The following KLF12 variants were observed in gnomAD, a reference collection of about 807,000 sequenced individuals.
KLF12 encodes the protein KLF transcription factor 12.
A neutral mutation model predicts 37.8 loss-of-function variants in KLF12; 9 were observed. The ratio of observed to expected loss-of-function variants is 0.24; its 90% CI spans 0.14 to 0.42. The LOEUF (loss-of-function observed/expected upper bound fraction) is 0.42. KLF12 is among the 10% of genes least tolerant of loss of function. The pLI, the probability that KLF12 is intolerant of heterozygous loss-of-function variation, is 1.00. For synonymous variants in KLF12, 208 were observed against 202.1 expected (o/e 1.03, Z -0.25); for missense variants, 411 against 516.0 (o/e 0.80, Z 1.97).
chr13:73,916,068 G>A (rs1386550097), intron 3 of KLF12, among the ~76,000 whole-genome samples: 4 of 151,976 alleles, frequency 2.6e-5, no homozygotes, highest in African/African-American at 7.3e-5. Context: ...GGAGTTTTAT[G>A]ATTTTATCTG....
intron 1 of KLF12, among the ~76,000 whole-genome samples, chr13:74,109,603 A>G (rs1162989533): frequency 6.6e-6 from 1 of 152,196 alleles, no homozygotes; most frequent in Non-Finnish European, 1.5e-5. Flanking sequence ...TCAAAGAAGA[A>G]AATTGTAAGA....
At chr13:73,860,246 G>A (rs1885848741) in intron 3 of KLF12, among the ~76,000 whole-genome samples, 1 of 152,174 alleles carries the variant, frequency 6.6e-6, no homozygotes, top group African/African-American at 2.4e-5. Flanking sequence ...CCACTCTTCT[G>A]TGCTTCCAAA....
At chr13:73,898,934 G>A (rs1203846308) in intron 3 of KLF12, among the ~76,000 whole-genome samples, 2 of 152,168 alleles carry the variant, frequency 1.3e-5, no homozygotes, top group African/African-American at 4.8e-5. Flanking sequence ...ACACTGCAGA[G>A]GAAGCTGGCT....
the KLF12 span, among the ~76,000 whole-genome samples, chr13:74,180,073 G>A: frequency 6.6e-6 from 1 of 152,170 alleles, no homozygotes; most frequent in Admixed American, 6.5e-5. Flanking sequence ...AAGGCCTTCT[G>A]GCACATTCCT....
chr13:73,912,988 T>A (rs113640731), intron 3 of KLF12, among the ~76,000 whole-genome samples: 1 of 152,012 alleles, frequency 6.6e-6, no homozygotes, highest in Non-Finnish European at 1.5e-5. Flanking sequence ...TGCGTTACCT[T>A]CTCCAAGAAA....
chr13:73,688,970 T>A lies in KLF12; in HGVS notation c.*6520A>T, dbSNP rs1317934580. Reference sequence around the variant, plus strand: ...ACAACTCAGCCACACTTCCCATGTCTCCGTTTCCCATCCATAAAGTGTAGA... The same window carrying A: ...ACAACTCAGCCACACTTCCCATGTCACCGTTTCCCATCCATAAAGTGTAGA... On this transcript the variant is annotated 3_prime_UTR_variant, in exon 8 of 8. Transcript: ENST00000377669. 6.6e-6 allele frequency: 1 copy of A among 152,124 alleles called. No homozygotes were observed. The highest frequency in any genetic ancestry group is 2.4e-5 in the African/African-American group (1 of 41,446). The allele number at this position is 152,124 out of a possible 1,614,324, so 9.4% of individuals were successfully genotyped here.
chr13:73,893,877 T>C (rs1887631121), intron 3 of KLF12, among the ~76,000 whole-genome samples: 1 of 152,068 alleles, frequency 6.6e-6, no homozygotes, highest in Non-Finnish European at 1.5e-5. Context: ...GAAGCCAAGA[T>C]TAGCAAGAGC....
chr13:74,137,914 C>A (rs984460212), upstream of KLF12, among the ~76,000 whole-genome samples: 1 of 152,226 alleles, frequency 6.6e-6, no homozygotes, highest in African/African-American at 2.4e-5. Context: ...GCATGCGCCA[C>A]CACGCCTGGC....
chr13:74,274,679 T>G, the KLF12 span, among the ~76,000 whole-genome samples: 3 of 152,050 alleles, frequency 2.0e-5, no homozygotes, highest in African/African-American at 7.2e-5. Flanking sequence ...CCTTTATTTT[T>G]CACTTCTTTT....
chr13:74,194,981 T>C, the KLF12 span, among the ~76,000 whole-genome samples: 1 of 152,194 alleles, frequency 6.6e-6, no homozygotes. Flanking sequence ...AGAGTTTGTT[T>C]TGACTTCTTA....
chr13:73,970,552 G>A (rs1891301289), intron 2 of KLF12, among the ~76,000 whole-genome samples: 1 of 152,126 alleles, frequency 6.6e-6, no homozygotes, highest in African/African-American at 2.4e-5. Flanking sequence ...AAGCTTGTTA[G>A]TATCTATATG....
chr13:74,163,076 GA>G, the KLF12 span, among the ~76,000 whole-genome samples: 2 of 152,060 alleles, frequency 1.3e-5, no homozygotes, highest in Middle Eastern at 3.2e-3. Flanking sequence ...AGAGGCTATA[GA>G]AAGAGAGAAA....
chr13:74,269,339 C>T, the KLF12 span, among the ~76,000 whole-genome samples: 39 of 152,098 alleles, frequency 2.6e-4, no homozygotes, highest in African/African-American at 8.2e-4. Flanking sequence ...CTTTTATTTC[C>T]TGCTCATTTC....
intron 3 of KLF12, among the ~76,000 whole-genome samples, chr13:73,857,535 C>T (rs758893572): frequency 1.3e-5 from 2 of 152,174 alleles, no homozygotes; most frequent in Non-Finnish European, 2.9e-5. Flanking sequence ...ATTATCTACA[C>T]ATTTATACAT....
intron 1 of KLF12, among the ~76,000 whole-genome samples, chr13:74,036,028 A>C (rs1331573786): frequency 1.3e-5 from 2 of 152,164 alleles, no homozygotes; most frequent in Non-Finnish European, 2.9e-5. Flanking sequence ...TGCACTCATT[A>C]ACCAGCCAGC....
At chr13:74,164,356 A>G in the KLF12 span, among the ~76,000 whole-genome samples, 1 of 152,148 alleles carries the variant, frequency 6.6e-6, no homozygotes, top group African/African-American at 2.4e-5. Flanking sequence ...TATTTATTCT[A>G]ATATTTGTGC....
chr13:73,972,259 C>T (rs1489778767), intron 2 of KLF12, among the ~76,000 whole-genome samples: 1 of 152,120 alleles, frequency 6.6e-6, no homozygotes, highest in Non-Finnish European at 1.5e-5. Flanking sequence ...CTGACAATAA[C>T]AAACATCAAC....
chr13:73,813,315 T>C, intron 4 of KLF12, 28 bp from the exon 5 acceptor site: 1 of 1,612,774 alleles, frequency 6.2e-7, no homozygotes, highest in Non-Finnish European at 8.5e-7. Flanking sequence ...ATATAATGAA[T>C]TAAAATCAGT....
intron 1 of KLF12, among the ~76,000 whole-genome samples, chr13:74,025,440 G>C (rs578179574): frequency 2.6e-5 from 4 of 152,196 alleles, no homozygotes; most frequent in African/African-American, 9.6e-5. Flanking sequence ...TAAAGTGTCT[G>C]AATATATCTG....
Sources: allele counts gnomAD v4.1 joint callset (sites outside exome capture counted in the v4.1 genomes callset), GRCh38; gene constraint gnomAD v4.1.1; transcripts MANE v1.5; gene names NCBI Gene and HGNC (gene_info 2026-07-23, HGNC 2026-07-21).